The following ANO4 variants were observed in gnomAD, a reference collection of about 807,000 sequenced individuals.
ANO4 encodes anoctamin-4.
ANO4 carries 69 observed loss-of-function variants against 141.9 expected under a neutral mutation model. The ratio of observed to expected loss-of-function variants is 0.49; its 90% CI spans 0.40 to 0.59. The LOEUF is 0.59. Among genes scored for constraint, ANO4 ranks in the 20% least tolerant of loss-of-function variants. The pLI is 0.00. For missense variants in ANO4, 894 were observed against 1,162.2 expected (o/e 0.77, Z 3.36); for synonymous variants, 350 against 394.3 (o/e 0.89, Z 1.33).
chr12:101,068,042 C>T (rs542049866), intron 14 of ANO4, among the ~76,000 whole-genome samples: 13 of 152,292 alleles, frequency 8.5e-5, no homozygotes, highest in African/African-American at 2.4e-4. Context: ...CTGTTGTGCT[C>T]TGAACGATTG....
intron 8 of ANO4, among the ~76,000 whole-genome samples, chr12:100,991,257 G>A (rs975504456): frequency 2.0e-5 from 3 of 152,068 alleles, no homozygotes; most frequent in African/African-American, 4.8e-5. Context: ...CAATTGTTGG[G>A]TACAATCAGA....
intron 1 of ANO4, among the ~76,000 whole-genome samples, chr12:100,881,644 T>C (rs2039575003): frequency 6.6e-6 from 1 of 152,206 alleles, no homozygotes; most frequent in Non-Finnish European, 1.5e-5. Context: ...CATTGCACTG[T>C]TCTCAACCTC....
chr12:100,762,876 T>C (rs1190682672), intron 3 of ANO4, among the ~76,000 whole-genome samples: 5 of 152,200 alleles, frequency 3.3e-5, no homozygotes, highest in African/African-American at 4.8e-5. Context: ...TCCTCAGCAC[T>C]AAAACAGTGC....
chr12:100,913,405 C>A (rs1480359615), intron 2 of ANO4, among the ~76,000 whole-genome samples: 1 of 152,158 alleles, frequency 6.6e-6, no homozygotes, highest in Non-Finnish European at 1.5e-5. Flanking sequence ...CAGCAATGTG[C>A]CCCTTATCCA....
chr12:100,878,798 GAA>G (rs1199852683), intron 1 of ANO4, among the ~76,000 whole-genome samples: 1 of 152,096 alleles, frequency 6.6e-6, no homozygotes, highest in Non-Finnish European at 1.5e-5. Flanking sequence ...TTCAAAAAGC[GAA>G]GAGAATTCTT....
At chr12:100,873,971 C>A (rs1341997958) in intron 1 of ANO4, among the ~76,000 whole-genome samples, 1 of 152,214 alleles carries the variant, frequency 6.6e-6, no homozygotes. Context: ...GCTGCTCCAG[C>A]TCCAGCTGTG....
chr12:100,801,093 G>C (rs1002960203), intron 1 of ANO4, among the ~76,000 whole-genome samples: 16 of 147,258 alleles, frequency 1.1e-4, no homozygotes, highest in African/African-American at 3.8e-4. Context: ...TTGTCTACTT[G>C]TCTCTCTCTC....
At chr12:100,975,456 C>G (rs568002014) in intron 7 of ANO4, among the ~76,000 whole-genome samples, 112 of 142,766 alleles carry the variant, frequency 7.8e-4, no homozygotes, top group African/African-American at 2.8e-3. Context: ...GAGTCTTGCT[C>G]TGTCACCCAG....
intron 1 of ANO4, among the ~76,000 whole-genome samples, chr12:100,796,109 C>T (rs1262858332): frequency 3.4e-5 from 5 of 148,898 alleles, no homozygotes; most frequent in East Asian, 2.0e-4. Context: ...AGAATAGCTT[C>T]GCAGTTGTAA....
At chr12:101,111,465 G>A (rs187554125) in intron 23 of ANO4, 98 bp from the exon 24 acceptor site, 5 of 1,142,600 alleles carry the variant, frequency 4.4e-6, no homozygotes, top group Non-Finnish European at 4.8e-6. Context: ...GATGAAGAAA[G>A]GACCCATGAA....
At chr12:100,995,273 A>G (rs915623727) in intron 8 of ANO4, among the ~76,000 whole-genome samples, 8 of 152,242 alleles carry the variant, frequency 5.3e-5, no homozygotes, top group African/African-American at 1.7e-4. Context: ...AGAGAGTTCC[A>G]AGAGGGGAAC....
chr12:100,849,123 T>A (rs1473438884), intron 1 of ANO4, among the ~76,000 whole-genome samples: 1 of 152,190 alleles, frequency 6.6e-6, no homozygotes, highest in Admixed American at 6.5e-5. Flanking sequence ...AATAAAAGAA[T>A]CCTGTCCTTT....
intron 2 of ANO4, among the ~76,000 whole-genome samples, chr12:100,902,051 T>A (rs1404768888): frequency 6.6e-6 from 1 of 152,184 alleles, no homozygotes; most frequent in East Asian, 1.9e-4. Context: ...TCAGAGAAGG[T>A]TGAGGCTATG....
rs560494632 is a variant in ANO4, at chr12:101,094,046, A to G, written c.1702-210A>G. On this transcript the variant is annotated intron_variant, in intron 17 of 27. Coordinates refer to ENST00000392977, the MANE Select transcript of ANO4 (RefSeq NM_001286615.2). ...TAAATAGTTAGATAGGACCTTGTACATTTCTTTCTTGCCCTGAAAATTACG... is the reference window on the plus strand; with the variant it reads ...TAAATAGTTAGATAGGACCTTGTACGTTTCTTTCTTGCCCTGAAAATTACG... Among the ~76,000 whole-genome samples the G allele has an allele frequency of 3.9e-5, 6 of 152,214 alleles. No individual in the cohort carries two copies. In the East Asian group the frequency reaches 1.2e-3, roughly 29 times the overall value.
At chr12:101,023,436 T>C (rs1394164410) in intron 9 of ANO4, among the ~76,000 whole-genome samples, 3 of 152,126 alleles carry the variant, frequency 2.0e-5, no homozygotes, top group Non-Finnish European at 4.4e-5. Context: ...TTTGGGAGGC[T>C]GAGGCAGGAG....
intron 14 of ANO4, among the ~76,000 whole-genome samples, chr12:101,062,580 G>T (rs996612717): frequency 6.6e-6 from 1 of 152,212 alleles, no homozygotes; most frequent in Non-Finnish European, 1.5e-5. Context: ...GGGATGCCCT[G>T]CCCAGGGAGG....
chr12:100,820,400 G>A lies in ANO4; in HGVS notation c.-141+25373G>A, dbSNP rs193129130. ...CCTTCTTTCCCTACCTGATTATTAT[G>A]TAGCATGAGAATTGACAGAGCACAA... On this transcript the variant is annotated intron_variant, in intron 1 of 27. Coordinates refer to ENST00000392977, the MANE Select transcript of ANO4 (RefSeq NM_001286615.2). 7.4e-5 allele frequency among the ~76,000 whole-genome samples: 11 copies of A among 147,928 alleles called. No individual in the cohort carries two copies. In the South Asian group the frequency reaches 1.9e-3, roughly 26 times the overall value.
chr12:100,730,849 C>G (rs897978219), intron 1 of ANO4, among the ~76,000 whole-genome samples: 5 of 152,148 alleles, frequency 3.3e-5, no homozygotes, highest in Admixed American at 6.6e-5. Flanking sequence ...AAAATATTTC[C>G]TAGCATTTAC....
intron 6 of ANO4, among the ~76,000 whole-genome samples, chr12:100,972,151 C>T (rs934708471): frequency 6.6e-6 from 1 of 152,126 alleles, no homozygotes; most frequent in Non-Finnish European, 1.5e-5. Context: ...GATGTAGTCC[C>T]AAGGACAGTT....
Sources: allele counts gnomAD v4.1 joint callset (sites outside exome capture counted in the v4.1 genomes callset), GRCh38; gene constraint gnomAD v4.1.1; transcripts MANE v1.5; gene names NCBI Gene and HGNC (gene_info 2026-07-23, HGNC 2026-07-21).